The following PTGER3 variants were observed in gnomAD, a reference collection of about 807,000 sequenced individuals.
The protein encoded by PTGER3 is prostaglandin E2 receptor EP3 subtype.
Under a neutral mutation model 34.7 loss-of-function variants are expected in PTGER3, and 22 were observed. The observed-to-expected ratio is 0.63, with a 90% CI of 0.45 to 0.91. PTGER3 has a LOEUF of 0.91. Among genes scored for constraint, PTGER3 ranks in the 40% least tolerant of loss-of-function variants. PTGER3 has a pLI of 0.00. For missense variants in PTGER3, 468 were observed against 519.4 expected, an observed-to-expected ratio of 0.90 and a Z score of 0.96; for synonymous variants, 241 against 230.1, an observed-to-expected ratio of 1.05 and a Z score of -0.43.
intron 1 of PTGER3, among the ~76,000 whole-genome samples, chr1:71,040,693 A>T (rs1660240303): frequency 6.6e-6 from 1 of 152,212 alleles, no homozygotes; most frequent in African/African-American, 2.4e-5. Flanking sequence ...CTAGGAAAAA[A>T]TAATGTGCAA....
chr1:71,010,797 A>G (rs1025386663), intron 2 of PTGER3: 6 of 985,164 alleles, frequency 6.1e-6, no homozygotes, highest in Non-Finnish European at 7.2e-6. Flanking sequence ...TGACATGGTC[A>G]TTTAAAATAA....
chr1:70,863,703 T>G (rs532851439), intron 4 of PTGER3, among the ~76,000 whole-genome samples: 67 of 152,162 alleles, frequency 4.4e-4, no homozygotes, highest in African/African-American at 1.1e-3. Context: ...TTTTTTTTTT[T>G]TGTGAAACAA....
chr1:70,906,033 G>A (rs896616336), intron 4 of PTGER3, among the ~76,000 whole-genome samples: 2 of 120,870 alleles, frequency 1.7e-5, no homozygotes, highest in Non-Finnish European at 3.5e-5. Flanking sequence ...CATAGGATCT[G>A]ATGGGTTTAA....
chr1:71,033,976 T>A (rs1017205608), intron 1 of PTGER3, among the ~76,000 whole-genome samples: 15 of 152,178 alleles, frequency 9.9e-5, no homozygotes, highest in Admixed American at 1.3e-4. Context: ...GTTATTGGTA[T>A]AGTATTTTTA....
chr1:70,899,559 A>AT (rs1477311700), intron 4 of PTGER3, among the ~76,000 whole-genome samples: 1 of 152,056 alleles, frequency 6.6e-6, no homozygotes, highest in African/African-American at 2.4e-5. Context: ...GTTAGAGGAA[A>AT]TCGGCATGAG....
chr1:70,944,950 T>C (rs980180363), intron 4 of PTGER3, among the ~76,000 whole-genome samples: 4 of 152,208 alleles, frequency 2.6e-5, no homozygotes, highest in African/African-American at 7.2e-5. Context: ...ATCTCCATTC[T>C]AAAGAGAACT....
intron 2 of PTGER3, among the ~76,000 whole-genome samples, chr1:70,998,044 A>G (rs1656139106): frequency 6.6e-6 from 1 of 152,226 alleles, no homozygotes; most frequent in African/African-American, 2.4e-5. Flanking sequence ...TTCTAGATTA[A>G]GTCAGACTCT....
At chr1:70,892,344 T>C (rs895717399) in intron 4 of PTGER3, among the ~76,000 whole-genome samples, 5 of 152,220 alleles carry the variant, frequency 3.3e-5, no homozygotes, top group Admixed American at 2.0e-4. Flanking sequence ...CTCAGCACAG[T>C]GCTTGGCACA....
chr1:70,924,114 C>T (rs551635930), intron 4 of PTGER3, among the ~76,000 whole-genome samples: 1 of 152,106 alleles, frequency 6.6e-6, no homozygotes, highest in African/African-American at 2.4e-5. Flanking sequence ...GAGGAATTTA[C>T]CCAACTTGTA....
At chr1:70,948,552 T>G (rs1206258673), downstream of PTGER3, among the ~76,000 whole-genome samples, 1 of 152,182 alleles carries the variant, frequency 6.6e-6, no homozygotes, top group East Asian at 1.9e-4. Context: ...TGAAAATGGC[T>G]GCATACCAAT....
intron 4 of PTGER3, among the ~76,000 whole-genome samples, chr1:70,943,669 T>C (rs1383762869): frequency 2.0e-5 from 3 of 152,050 alleles, no homozygotes; most frequent in African/African-American, 4.8e-5. Flanking sequence ...TAGATACAAG[T>C]TTAACTAATA....
intron 4 of PTGER3, among the ~76,000 whole-genome samples, chr1:70,892,215 T>C (rs758863463): frequency 6.6e-6 from 1 of 152,220 alleles, no homozygotes; most frequent in Non-Finnish European, 1.5e-5. Context: ...TTATGAGCTG[T>C]TGCTTTGGGG....
chr1:70,911,144 G>T lies in PTGER3; in HGVS notation c.*23+42619C>A, dbSNP rs565654562. Among the ~76,000 whole-genome samples, 15 of 151,050 alleles carry T rather than the reference G, an allele frequency of 9.9e-5. 1 individual carries two copies. In the South Asian group the frequency reaches 3.2e-3, roughly 32 times the overall value. On this transcript the variant is annotated intron_variant, in intron 4 of 4. Coordinates refer to the PTGER3 transcript ENST00000370931. ...ACACATACACATGAATGATGTTATG[G>T]GTGTCAAATTTATCATTCTAGATTG...
At chr1:71,040,099 GGAAAGAAA>G (rs779376856) in intron 1 of PTGER3, among the ~76,000 whole-genome samples, 12 of 124,882 alleles carry the variant, frequency 9.6e-5, no homozygotes, top group Admixed American at 5.4e-4. Context: ...AAAGAAAGAA[GGAAAGAAA>G]GAAAGAAAGA....
chr1:70,928,464 T>A (rs898018270), intron 4 of PTGER3, among the ~76,000 whole-genome samples: 9 of 151,714 alleles, frequency 5.9e-5, no homozygotes, highest in Admixed American at 4.6e-4. Context: ...GAGACCCCCA[T>A]CTATACAAAA....
At chr1:70,857,128 A>C (rs1478324047) in intron 4 of PTGER3, among the ~76,000 whole-genome samples, 2 of 152,208 alleles carry the variant, frequency 1.3e-5, no homozygotes, top group African/African-American at 4.8e-5. Context: ...GAGGAGAAGG[A>C]ACGTCTTTTG....
intron 2 of PTGER3, chr1:71,007,658 G>T (rs1273434155): frequency 4.1e-6 from 4 of 985,212 alleles, no homozygotes; most frequent in Non-Finnish European, 4.8e-6. Flanking sequence ...AAGTGTATTA[G>T]TAAATCACAC....
At chr1:71,046,202 C>A (rs1255867206) in intron 1 of PTGER3, among the ~76,000 whole-genome samples, 3 of 138,870 alleles carry the variant, frequency 2.2e-5, no homozygotes, top group Non-Finnish European at 4.5e-5. Context: ...AGGAGAATGG[C>A]GTGAACCCGG....
At chr1:70,876,572 G>A (rs988531280) in intron 4 of PTGER3, among the ~76,000 whole-genome samples, 1 of 151,908 alleles carries the variant, frequency 6.6e-6, no homozygotes, top group African/African-American at 2.4e-5. Flanking sequence ...TATCTTCCAG[G>A]GTTTTCATGT....
Sources: allele counts gnomAD v4.1 joint callset (sites outside exome capture counted in the v4.1 genomes callset), GRCh38; gene constraint gnomAD v4.1.1; transcripts MANE v1.5; gene names NCBI Gene and HGNC (gene_info 2026-07-23, HGNC 2026-07-21).